Variants in PCDH9 observed in about 807,000 individuals in gnomAD.
The protein encoded by PCDH9 is protocadherin 9.
In PCDH9, 24 loss-of-function variants were observed where a neutral mutation model predicts 70.6. The ratio of observed to expected loss-of-function variants is 0.34; its 90% CI spans 0.25 to 0.48. The LOEUF (loss-of-function observed/expected upper bound fraction) is 0.48. PCDH9 is among the 20% of genes least tolerant of loss of function. PCDH9 has a pLI of 0.99. For synonymous variants in PCDH9, 562 were observed against 558.5 expected, an observed-to-expected ratio of 1.01 and a Z score of -0.09; for missense variants, 1,281 against 1,503.6, an observed-to-expected ratio of 0.85 and a Z score of 2.45.
At chr13:67,045,813 G>T (rs1043632027) in intron 2 of PCDH9, among the ~76,000 whole-genome samples, 1 of 152,088 alleles carries the variant, frequency 6.6e-6, no homozygotes, top group African/African-American at 2.4e-5. Context: ...TGGCAGTCCA[G>T]AACAACTTTC....
chr13:66,567,767 T>G (rs1050883745), intron 4 of PCDH9, among the ~76,000 whole-genome samples: 6 of 152,190 alleles, frequency 3.9e-5, no homozygotes, highest in Non-Finnish European at 8.8e-5. Flanking sequence ...TCTGTGACTT[T>G]ACTTTTTTAC....
At chr13:66,603,657 G>A (rs2077188629) in intron 4 of PCDH9, among the ~76,000 whole-genome samples, 1 of 151,898 alleles carries the variant, frequency 6.6e-6, no homozygotes, top group Admixed American at 6.6e-5. Flanking sequence ...GATGTCATGT[G>A]GAGATATGAC....
chr13:66,738,538 T>A (rs1412041398), intron 3 of PCDH9, among the ~76,000 whole-genome samples: 1 of 131,704 alleles, frequency 7.6e-6, no homozygotes, highest in Non-Finnish European at 1.6e-5. Flanking sequence ...ACGATCAAAT[T>A]ACTCTGAGCT....
chr13:67,091,084 C>T (rs1039809897), intron 2 of PCDH9, among the ~76,000 whole-genome samples: 2 of 152,206 alleles, frequency 1.3e-5, no homozygotes, highest in Admixed American at 6.5e-5. Context: ...TCAGTTTCAA[C>T]TTCTTTCTCC....
chr13:66,437,562 A>G (rs1308535916), intron 4 of PCDH9, among the ~76,000 whole-genome samples: 1 of 152,148 alleles, frequency 6.6e-6, no homozygotes, highest in Non-Finnish European at 1.5e-5. Flanking sequence ...CAATAAAATT[A>G]GCCATCAAGG....
intron 4 of PCDH9, among the ~76,000 whole-genome samples, chr13:66,607,299 A>G (rs188417938): frequency 2.6e-5 from 4 of 152,120 alleles, no homozygotes; most frequent in Admixed American, 2.6e-4. Context: ...AAGTATGAGA[A>G]TGCAATGATT....
chr13:66,908,834 A>C (rs1438194984), intron 2 of PCDH9, among the ~76,000 whole-genome samples: 1 of 152,194 alleles, frequency 6.6e-6, no homozygotes, highest in Non-Finnish European at 1.5e-5. Context: ...TGAACAAATC[A>C]GTGTTCAGGT....
intron 3 of PCDH9, among the ~76,000 whole-genome samples, chr13:66,891,950 A>T (rs1307393474): frequency 6.6e-6 from 1 of 151,714 alleles, no homozygotes; most frequent in Non-Finnish European, 1.5e-5. Flanking sequence ...TAGAAAACAG[A>T]CTCTAAAACA....
intron 4 of PCDH9, among the ~76,000 whole-genome samples, chr13:66,607,778 C>A (rs539577664): frequency 6.1e-4 from 93 of 152,004 alleles, no homozygotes; most frequent in Non-Finnish European, 1.2e-3. Flanking sequence ...CAAATGAATG[C>A]ATGTTTAAAT....
In PCDH9 at chr13:66,865,571, A is replaced by G. The variant is rs142659263; in HGVS notation, c.3138+37933T>C. ...TTCCATTGGTCAGAAGTATTAGATAATAGACATTTGATAATTTCCAGTGGG... is the reference window on the plus strand; with the variant it reads ...TTCCATTGGTCAGAAGTATTAGATAGTAGACATTTGATAATTTCCAGTGGG... On this transcript the variant is annotated intron_variant, in intron 3 of 4. Transcript: ENST00000377865. Among the ~76,000 whole-genome samples the G allele has an allele frequency of 3.6e-3, 555 of 152,308 alleles. 5 individuals are homozygous for G. Among genetic ancestry groups the G allele is most frequent in the African/African-American group, 0.013 (530 of 41,578 alleles).
chr13:66,682,474 T>C (rs1195540417), intron 3 of PCDH9, among the ~76,000 whole-genome samples: 1 of 152,120 alleles, frequency 6.6e-6, no homozygotes, highest in Non-Finnish European at 1.5e-5. Context: ...TTTTATGTAT[T>C]GTTTCTGCTG....
At chr13:66,884,297 C>T (rs1043507418) in intron 3 of PCDH9, among the ~76,000 whole-genome samples, 4 of 152,132 alleles carry the variant, frequency 2.6e-5, no homozygotes, top group Non-Finnish European at 5.9e-5. Flanking sequence ...TTCAACTTGG[C>T]CTCTATCAGA....
chr13:67,026,862 G>T (rs977740798), intron 2 of PCDH9, among the ~76,000 whole-genome samples: 2 of 152,088 alleles, frequency 1.3e-5, no homozygotes, highest in Non-Finnish European at 2.9e-5. Flanking sequence ...TACAAGGGAC[G>T]TGAAGGACCT....
intron 2 of PCDH9, among the ~76,000 whole-genome samples, chr13:66,961,082 T>C (rs1030172627): frequency 1.3e-5 from 2 of 152,180 alleles, no homozygotes; most frequent in South Asian, 2.1e-4. Context: ...TTTAACTGAC[T>C]ATAGTACAAA....
At position 66,309,649 on chromosome 13, in the gene PCDH9, T is replaced by C. The variant is rs1026750466; in HGVS notation, c.3341-4621A>G. Among the ~76,000 whole-genome samples, 5 of 147,484 alleles carry C rather than the reference T, an allele frequency of 3.4e-5. No homozygotes were observed. The East Asian group carries it at 9.6e-4, about 28-fold the overall frequency. ...CTAAACTGTAATCCTTTTTCTTTGA[T>C]ATATTTTTATTATTACTATAGGTAA... On this transcript the variant is annotated intron_variant, in intron 4 of 4. Coordinates refer to ENST00000377865, the MANE Select transcript of PCDH9 (RefSeq NM_203487.3).
intron 2 of PCDH9, among the ~76,000 whole-genome samples, chr13:67,042,370 T>G (rs567958059): frequency 6.6e-6 from 1 of 152,178 alleles, no homozygotes; most frequent in Admixed American, 6.5e-5. Context: ...ACAAAGCACC[T>G]TCTTCACAAG....
intron 4 of PCDH9, among the ~76,000 whole-genome samples, chr13:66,425,793 C>T (rs904881430): frequency 2.0e-5 from 3 of 151,554 alleles, no homozygotes; most frequent in Admixed American, 6.6e-5. Flanking sequence ...ACTTATCATA[C>T]ATTGGATGAA....
intron 4 of PCDH9, among the ~76,000 whole-genome samples, chr13:66,404,780 C>A (rs1462628790): frequency 6.6e-6 from 1 of 151,866 alleles, no homozygotes; most frequent in Non-Finnish European, 1.5e-5. Context: ...TACCTTCATG[C>A]CTTTTTCCCC....
rs565339755 is a variant in PCDH9, at chr13:66,610,977, G to T, written c.3340+20233C>A. 1.1e-3 allele frequency among the ~76,000 whole-genome samples: 163 copies of T among 152,230 alleles called. 1 individual carries two copies. The highest frequency in any genetic ancestry group is 3.8e-3 in the African/African-American group (158 of 41,556). On this transcript the variant is annotated intron_variant, in intron 4 of 4. Transcript: ENST00000377865. ...AGATAATGTACTCCCTTTCTTGACT[G>T]AAGCAGTTTCCTTTTTCATTCATTG...
Sources: gnomAD v4.1 joint callset for allele counts (sites outside exome capture counted in the v4.1 genomes callset) on GRCh38, gnomAD v4.1.1 for gene constraint, MANE v1.5 for transcripts, NCBI Gene and HGNC (gene_info 2026-07-23, HGNC 2026-07-21) for gene names.